The following LMBR1 variants were observed in gnomAD, a reference collection of about 807,000 sequenced individuals.
The protein encoded by LMBR1 is limb region 1 protein homolog.
LMBR1 carries 52 observed loss-of-function variants against 73.9 expected under a neutral mutation model. That is an observed-to-expected ratio of 0.70 (90% CI 0.56 to 0.89). LMBR1 has a LOEUF of 0.89. Ranked by LOEUF, LMBR1 falls within the 40% of genes least tolerant of loss-of-function variation. The probability of loss-of-function intolerance (pLI) is 0.00; values close to 1 mark genes in which losing one functional copy is unlikely to be tolerated. For synonymous variants in LMBR1, 215 were observed against 209.4 expected (o/e 1.03, Z -0.23); for missense variants, 539 against 579.8 (o/e 0.93, Z 0.72).
chr7:156,852,522 T>C (rs972832467), intron 1 of LMBR1, among the ~76,000 whole-genome samples: 3 of 152,214 alleles, frequency 2.0e-5, no homozygotes, highest in Non-Finnish European at 2.9e-5. Flanking sequence ...ACAATAATTT[T>C]CAAGTAATCC....
chr7:156,869,104 A>T (rs116071414), intron 1 of LMBR1, among the ~76,000 whole-genome samples: 2,227 of 152,348 alleles, frequency 0.015, 49 homozygotes, highest in African/African-American at 0.05. Context: ...TATTTTATTA[A>T]GTGTTAAAAC....
intron 4 of LMBR1, among the ~76,000 whole-genome samples, chr7:156,824,395 T>G (rs944698113): frequency 1.6e-4 from 24 of 152,288 alleles, no homozygotes; most frequent in African/African-American, 5.5e-4. Context: ...CAAATAAGTA[T>G]ATTTATCTTA....
At chr7:156,726,864 G>A (rs1265020525) in intron 12 of LMBR1, among the ~76,000 whole-genome samples, 1 of 151,764 alleles carries the variant, frequency 6.6e-6, no homozygotes, top group Non-Finnish European at 1.5e-5. Flanking sequence ...TATCTCCGGA[G>A]ACACGAGGAC....
intron 15 of LMBR1, among the ~76,000 whole-genome samples, chr7:156,722,844 T>TA (rs1464803238): frequency 2.6e-5 from 4 of 152,148 alleles, no homozygotes; most frequent in African/African-American, 7.2e-5. Context: ...TTTTCTTCCA[T>TA]AAAATCGGTA....
At chr7:156,677,690 C>G (rs559847770), downstream of LMBR1, 2 of 152,138 alleles carry the variant, frequency 1.3e-5, no homozygotes, top group East Asian at 3.8e-4. Flanking sequence ...TATCTCATCC[C>G]TTAGAAAAAA....
intron 1 of LMBR1, among the ~76,000 whole-genome samples, chr7:156,837,688 G>A (rs1175746198): frequency 2.6e-5 from 4 of 151,406 alleles, no homozygotes; most frequent in African/African-American, 9.7e-5. Flanking sequence ...ATGTAGGTGG[G>A]AAATAATTAT....
rs558265857 is a variant in LMBR1, at chr7:156,804,260, T to C, written c.320-7768A>G. On this transcript the variant is annotated intron_variant, in intron 4 of 16. Coordinates refer to ENST00000353442, the MANE Select transcript of LMBR1 (RefSeq NM_022458.4). The stretch of plus-strand genomic sequence containing the variant: ...GTTATCTAGCACAACTATTTTGAGA[T>C]TAGATTGAATCGCTATTGGACTGCA... 1.3e-3 allele frequency among the ~76,000 whole-genome samples: 204 copies of C among 152,348 alleles called. 1 individual carries two copies. Among genetic ancestry groups the C allele is most frequent in the Middle Eastern group, 3.4e-3 (1 of 294 alleles).
At position 156,688,235 on chromosome 7, in the gene LMBR1, G is replaced by T. The variant is rs373032251; in HGVS notation, c.1226-44C>A. 1.3e-5 allele frequency: 18 copies of T among 1,401,018 alleles called. No homozygotes were observed. In the African/African-American group the frequency reaches 2.6e-4, roughly 20 times the overall value. The allele number at this position is 1,401,018 out of a possible 1,614,324, so 86.8% of individuals were successfully genotyped here. ...ATAGCCCTTAATGAAATCAGGTTAA[G>T]ACATATTTAGTGTGCTACAAGTAAA... On this transcript the variant is annotated intron_variant, in intron 15 of 16. Transcript: ENST00000353442.
chr7:156,852,883 G>C (rs545109980), intron 1 of LMBR1, among the ~76,000 whole-genome samples: 1 of 151,776 alleles, frequency 6.6e-6, no homozygotes, highest in South Asian at 2.1e-4. Context: ...AAGTACAGAA[G>C]ATAAGCACAG....
intron 4 of LMBR1, among the ~76,000 whole-genome samples, chr7:156,820,136 C>T (rs749575338): frequency 3.8e-4 from 58 of 152,264 alleles, no homozygotes; most frequent in Admixed American, 2.4e-3. Context: ...AGAAGATTAT[C>T]GTTAAGCTTA....
rs760658307 is a variant in LMBR1 at position 156,892,914 on chromosome 7, C to T, written c.66+14G>A. 75 of 1,499,754 alleles carry T rather than the reference C, an allele frequency of 5.0e-5. No individual in the cohort carries two copies. The highest frequency in any genetic ancestry group is 6.4e-5 in the Non-Finnish European group (72 of 1,130,390). 92.9% of individuals were successfully genotyped at this position (1,499,754 alleles called of 1,614,324 possible). ...GCACGCGGGACTGTCAGGGCTGCCTCGGTCCCCACGCACCGTGGACTCCCG... is the reference window on the plus strand; with the variant it reads ...GCACGCGGGACTGTCAGGGCTGCCTTGGTCCCCACGCACCGTGGACTCCCG... On this transcript the variant is annotated intron_variant, in intron 1 of 16. Coordinates refer to ENST00000353442, the MANE Select transcript of LMBR1 (RefSeq NM_022458.4).
intron 7 of LMBR1, 34 bp from the exon 8 acceptor site, chr7:156,762,232 G>A (rs1823190894): frequency 5.9e-6 from 8 of 1,361,460 alleles, no homozygotes; most frequent in South Asian, 1.2e-5. Context: ...GACAGAAAGC[G>A]ACATTATAGA....
chr7:156,802,052 G>A lies in LMBR1; in HGVS notation c.320-5560C>T, dbSNP rs986126663. 1.3e-5 allele frequency among the ~76,000 whole-genome samples: 2 copies of A among 151,796 alleles called. 1 individual carries two copies. Among genetic ancestry groups the A allele is most frequent in the Admixed American group, 1.3e-4 (2 of 15,230 alleles). On this transcript the variant is annotated intron_variant, in intron 4 of 16. Transcript: ENST00000353442. Reference sequence around the variant, plus strand: ...GGCTGGAGTGCAATGGCGCAATCTCGGCTCACCGCAATCTCCGCCTCCCGG... The same window carrying A: ...GGCTGGAGTGCAATGGCGCAATCTCAGCTCACCGCAATCTCCGCCTCCCGG...
intron 8 of LMBR1, among the ~76,000 whole-genome samples, chr7:156,760,406 C>G (rs1355519887): frequency 1.3e-5 from 2 of 152,148 alleles, no homozygotes; most frequent in Admixed American, 1.3e-4. Flanking sequence ...TTTCCATTGT[C>G]TTTTCCTCAT....
At chr7:156,671,075 T>TAG (rs1162109895) in intron 4 of LMBR1, among the ~76,000 whole-genome samples, 9 of 152,240 alleles carry the variant, frequency 5.9e-5, no homozygotes, top group African/African-American at 1.7e-4. Flanking sequence ...CTTAATAATG[T>TAG]AAGTATGCAC....
intron 15 of LMBR1, among the ~76,000 whole-genome samples, chr7:156,700,018 T>G (rs1464527221): frequency 6.6e-6 from 1 of 152,204 alleles, no homozygotes; most frequent in African/African-American, 2.4e-5. Flanking sequence ...AGAAATACCA[T>G]TTGACCCAGC....
chr7:156,707,121 T>C (rs1037120364), intron 15 of LMBR1, among the ~76,000 whole-genome samples: 2 of 151,688 alleles, frequency 1.3e-5, no homozygotes, highest in African/African-American at 4.8e-5. Context: ...ATTCACAAAA[T>C]AGAAAACCTA....
At chr7:156,825,538 T>G (rs1047310450) in intron 4 of LMBR1, among the ~76,000 whole-genome samples, 1 of 152,094 alleles carries the variant, frequency 6.6e-6, no homozygotes, top group African/African-American at 2.4e-5. Flanking sequence ...ACACCAACTA[T>G]GTACTCACAA....
At chr7:156,675,705 A>G (rs1417247477), downstream of LMBR1, 1 of 1,612,960 alleles carries the variant, frequency 6.2e-7, no homozygotes, top group African/African-American at 1.3e-5. Context: ...GTTCACAGAA[A>G]TCAGCCACCG....
Sources: allele counts gnomAD v4.1 joint callset (sites outside exome capture counted in the v4.1 genomes callset), GRCh38; gene constraint gnomAD v4.1.1; transcripts MANE v1.5; gene names NCBI Gene and HGNC (gene_info 2026-07-23, HGNC 2026-07-21).